BPTF: variants seen among roughly 807,000 people sequenced by gnomAD.
The protein encoded by BPTF is nucleosome-remodeling factor subunit BPTF.
In BPTF, 18 loss-of-function variants were observed where a neutral mutation model predicts 292.5. The ratio of observed to expected loss-of-function variants is 0.06; its 90% CI spans 0.04 to 0.09. BPTF has a LOEUF of 0.09. Ranked by LOEUF, BPTF falls within the 10% of genes least tolerant of loss-of-function variation. BPTF has a pLI of 1.00. For synonymous variants in BPTF, 1,225 were observed against 1,251.9 expected (o/e 0.98, Z 0.45); for missense variants, 2,726 against 3,498.7 (o/e 0.78, Z 5.57).
chr17:67,854,249 C>G lies in BPTF; in HGVS notation c.923C>G (p.Ala308Gly). 6.2e-7 allele frequency: 1 copy of G among 1,614,176 alleles called. No homozygotes were observed. Among genetic ancestry groups the G allele is most frequent in the Non-Finnish European group, 8.5e-7 (1 of 1,180,032 alleles). ...EDTSNTTFGP[A>G]DLKDSVNSTL... is the part of the protein sequence containing the mutation. The stretch of plus-strand genomic sequence containing the variant: ...ACTTCCAATACTACCTTTGGACCTG[C>G]TGATCTGAAAGATAGCGTTAATTCC... Residue 308 changes from alanine to glycine, a missense_variant, in exon 2 of 28, where the codon GCT becomes GGT. By Grantham distance (60) the Ala-to-Gly change is moderately conservative. Transcript: ENST00000306378. This position sits in a 1 kb window ranked among gnomAD's most constrained non-coding sequence, Gnocchi z 5.6.
chr17:67,968,390 G>T (rs1348042772), intron 26 of BPTF, among the ~76,000 whole-genome samples: 1 of 151,664 alleles, frequency 6.6e-6, no homozygotes, highest in South Asian at 2.1e-4. Flanking sequence ...TCAAATTTGG[G>T]TAGTCGCCTT....
intron 2 of BPTF, among the ~76,000 whole-genome samples, chr17:67,855,962 GCCCTT>G (rs1209034850): frequency 1.3e-5 from 2 of 152,206 alleles, no homozygotes; most frequent in South Asian, 2.1e-4. Flanking sequence ...ACAGTGATAC[GCCCTT>G]GTGTGGGCTG....
rs2063065953 is a variant in BPTF at position 67,917,131 on chromosome 17, C to CCTTTTTTTTTTTTTTTTTTTTTTT, written c.5304-1583_5304-1582insCTTTTTTTTTTTTTTTTTTTTTTT. ...GATAAGTAACTAATATGGTATTGTC[C>CCTTTTTTTTTTTTTTTTTTTTTTT]TTTTTTTTTTTTTTTTTTTGAGATA... is the stretch of plus-strand genomic sequence containing the variant. On this transcript the variant is annotated intron_variant, in intron 11 of 27. Coordinates refer to ENST00000306378, the MANE Select transcript of BPTF (RefSeq NM_182641.4). Among the ~76,000 whole-genome samples the CCTTTTTTTTTTTTTTTTTTTTTTT allele has an allele frequency of 5.5e-4, 58 of 105,758 alleles. 2 individuals carry two copies. Among genetic ancestry groups the CCTTTTTTTTTTTTTTTTTTTTTTT allele is most frequent in the African/African-American group, 2.1e-3 (57 of 27,610 alleles). The allele number at this position is 105,758 out of a possible 152,430, so 69.4% of individuals were successfully genotyped here.
intron 3 of BPTF, among the ~76,000 whole-genome samples, chr17:67,866,972 T>C (rs1231616022): frequency 6.6e-6 from 1 of 152,228 alleles, no homozygotes; most frequent in Non-Finnish European, 1.5e-5. Context: ...CATAAGCAGT[T>C]GTAGCACAAT....
At chr17:67,909,373 A>G (rs1050498513) in intron 9 of BPTF, among the ~76,000 whole-genome samples, 2 of 149,108 alleles carry the variant, frequency 1.3e-5, no homozygotes, top group African/African-American at 2.5e-5. Context: ...TCTGAAGTTC[A>G]GGCATTCCTT....
intron 4 of BPTF, among the ~76,000 whole-genome samples, chr17:67,876,577 G>A (rs1269749074): frequency 6.6e-6 from 1 of 152,132 alleles, no homozygotes; most frequent in African/African-American, 2.4e-5. Context: ...AGGCCTAGGC[G>A]GGCAGATCAC....
intron 1 of BPTF, among the ~76,000 whole-genome samples, chr17:67,850,081 T>G (rs2144810169): frequency 6.6e-6 from 1 of 152,304 alleles, no homozygotes; most frequent in South Asian, 2.1e-4. Context: ...CAAAACACAT[T>G]TCTAATGTTG....
intron 24 of BPTF, among the ~76,000 whole-genome samples, chr17:67,962,623 C>T (rs1310508621): frequency 2.0e-5 from 3 of 152,216 alleles, no homozygotes; most frequent in African/African-American, 2.4e-5. Flanking sequence ...TTAGCCAGGC[C>T]ACTGCCCACA....
intron 2 of BPTF, among the ~76,000 whole-genome samples, chr17:67,862,246 G>C (rs1325187700): frequency 1.3e-5 from 2 of 152,330 alleles, no homozygotes; most frequent in Non-Finnish European, 2.9e-5. Flanking sequence ...AAAGTGCTGG[G>C]ATTACAGGCG....
chr17:67,886,429 T>G, intron 4 of BPTF: 1 of 734,626 alleles, frequency 1.4e-6, no homozygotes, highest in Non-Finnish European at 2.0e-6. Flanking sequence ...GTTTTTAATT[T>G]TTTAAATGAA....
intron 26 of BPTF, among the ~76,000 whole-genome samples, chr17:67,972,429 G>A (rs570482698): frequency 5.7e-4 from 86 of 152,018 alleles, no homozygotes; most frequent in African/African-American, 2.0e-3. Context: ...TAGTAGAGAC[G>A]GGGTTTCACC....
rs199969212 is a variant in BPTF at position 67,911,465 on chromosome 17, C to G, written c.3581C>G (p.Ser1194Cys). Reference protein sequence around the residue: ...SIENDIEEKVSDLASRGQEPS... With the variant: ...SIENDIEEKVCDLASRGQEPS... ...GAAAATGACATAGAAGAAAAAGTCT[C>G]TGACCTTGCCAGTAGAGGCCAGGAA... The change falls in exon 11 of 28, where the codon TCT becomes TGT. Residue 1194 changes from serine to cysteine, a missense_variant. Ser to Cys is a moderately radical substitution (Grantham distance 112). Around this residue, in one of 22 missense-constraint regions of BPTF, gnomAD observed 713 missense variants for 714.9 expected, o/e 1.00. Transcript: ENST00000306378. 1.0e-4 allele frequency: 167 copies of G among 1,613,984 alleles called. No individual in the cohort carries two copies. The highest frequency in any genetic ancestry group is 1.1e-4 in the Non-Finnish European group (133 of 1,180,010).
At chr17:67,963,300 T>C in intron 24 of BPTF, 3 of 1,499,248 alleles carry the variant, frequency 2.0e-6, no homozygotes, top group Non-Finnish European at 1.8e-6. Context: ...AAAATGACAA[T>C]TACATTGTCA....
intron 11 of BPTF, among the ~76,000 whole-genome samples, chr17:67,914,242 A>G (rs1474963107): frequency 2.6e-5 from 4 of 151,904 alleles, no homozygotes. Context: ...TTTCCTTTAT[A>G]TTAATTACAA....
chr17:67,948,018 T>G, intron 22 of BPTF, 63 bp from the exon 23 acceptor site: 1 of 1,482,818 alleles, frequency 6.7e-7, no homozygotes, highest in Non-Finnish European at 9.3e-7. Context: ...CATAGAAGAA[T>G]GATGTCTTAA....
At chr17:67,886,049 TA>T in intron 4 of BPTF, 2 of 1,112,144 alleles carry the variant, frequency 1.8e-6, no homozygotes, top group Non-Finnish European at 2.6e-6. Context: ...AATGAAATCC[TA>T]AAACAATTGT....
chr17:67,917,166 A>G (rs1345550813), intron 11 of BPTF, among the ~76,000 whole-genome samples: 2 of 105,974 alleles, frequency 1.9e-5, no homozygotes, highest in Non-Finnish European at 3.8e-5. Flanking sequence ...AGAGTCTCAC[A>G]CTGCCGCCCG....
intron 13 of BPTF, 149 bp from the exon 14 acceptor site, chr17:67,922,691 A>G (rs12600941): frequency 0.22 from 173,131 of 801,618 alleles, 23,959 homozygotes; most frequent in East Asian, 0.68. Flanking sequence ...GGCTGCTTTC[A>G]TGATACAAAG....
At chr17:67,970,761 A>G (rs2068670151) in intron 26 of BPTF, among the ~76,000 whole-genome samples, 1 of 152,250 alleles carries the variant, frequency 6.6e-6, no homozygotes, top group South Asian at 2.1e-4. Context: ...ACTTTTTCAC[A>G]TCAGCTGTTA....
Sources: gnomAD v4.1 joint callset for allele counts (sites outside exome capture counted in the v4.1 genomes callset) on GRCh38, gnomAD v4.1.1 for gene constraint, gnomAD v4.1.1 regional missense constraint, Gnocchi (gnomAD v3.1) non-coding constraint, MANE v1.5 for transcripts, NCBI Gene and HGNC (gene_info 2026-07-23, HGNC 2026-07-21) for gene names.